Variants in NCOR1 observed in about 807,000 individuals in gnomAD.
The protein encoded by NCOR1 is nuclear receptor corepressor 1.
A neutral mutation model predicts 288.1 loss-of-function variants in NCOR1; 63 were observed. The observed-to-expected ratio is 0.22, with a 90% confidence interval of 0.18 to 0.27. NCOR1 has a LOEUF of 0.27. Ranked by LOEUF, NCOR1 falls within the 10% of genes least tolerant of loss-of-function variation. NCOR1 has a pLI of 1.00. For synonymous variants in NCOR1, 1,007 were observed against 1,065.9 expected (o/e 0.94, Z 1.08); for missense variants, 2,397 against 3,019.2 (o/e 0.79, Z 4.83).
intron 5 of NCOR1, among the ~76,000 whole-genome samples, chr17:16,162,291 CAA>C (rs774179507): frequency 2.0e-5 from 3 of 151,986 alleles, no homozygotes; most frequent in South Asian, 2.1e-4. Flanking sequence ...GAAAGAGAAA[CAA>C]GAGACACGGA....
At chr17:16,092,125 A>C (rs2065269299) in intron 21 of NCOR1, 67 bp from the exon 22 acceptor site, 1 of 1,520,416 alleles carries the variant, frequency 6.6e-7, no homozygotes, top group Admixed American at 1.7e-5. Context: ...CTTAACAAGT[A>C]ATGTAATGCT....
intron 18 of NCOR1, among the ~76,000 whole-genome samples, chr17:16,111,870 ATTTT>A (rs540334363): frequency 2.3e-5 from 3 of 129,884 alleles, no homozygotes; most frequent in African/African-American, 1.0e-4. Context: ...TTATTTATTT[ATTTT>A]TATTTTTATT....
At chr17:16,127,084 CAA>C (rs989573410) in intron 14 of NCOR1, among the ~76,000 whole-genome samples, 11 of 150,384 alleles carry the variant, frequency 7.3e-5, no homozygotes, top group South Asian at 4.2e-4. Flanking sequence ...ATATACAAAT[CAA>C]AGTTTATCAT....
intron 16 of NCOR1, among the ~76,000 whole-genome samples, chr17:16,119,931 T>C (rs2072630928): frequency 6.6e-6 from 1 of 152,120 alleles, no homozygotes; most frequent in Non-Finnish European, 1.5e-5. Context: ...GTGTCTGACA[T>C]CCAGTGGGTA....
chr17:16,055,630 G>GT (rs2059827568), intron 40 of NCOR1, among the ~76,000 whole-genome samples: 1 of 152,098 alleles, frequency 6.6e-6, no homozygotes, highest in South Asian at 2.1e-4. Flanking sequence ...CACGACTCAA[G>GT]TTTACCTATA....
At chr17:16,154,635 T>C (rs570705444) in intron 6 of NCOR1, among the ~76,000 whole-genome samples, 1 of 151,984 alleles carries the variant, frequency 6.6e-6, no homozygotes, top group South Asian at 2.1e-4. Context: ...AAGAAAAGAG[T>C]ATGGGGCAAG....
chr17:16,034,528 A>G (rs548279628), intron 45 of NCOR1, among the ~76,000 whole-genome samples: 1 of 152,184 alleles, frequency 6.6e-6, no homozygotes, highest in African/African-American at 2.4e-5. Flanking sequence ...GGATCACCTG[A>G]GCCTCAGAGG....
intron 4 of NCOR1, among the ~76,000 whole-genome samples, chr17:16,170,948 G>C (rs144495774): frequency 3.6e-4 from 55 of 151,908 alleles, no homozygotes; most frequent in African/African-American, 1.1e-3. Context: ...CATGGGGAAA[G>C]TTCTTAATAG....
At chr17:16,180,065 C>T (rs2085088229) in intron 3 of NCOR1, among the ~76,000 whole-genome samples, 1 of 151,860 alleles carries the variant, frequency 6.6e-6, no homozygotes, top group Non-Finnish European at 1.5e-5. Flanking sequence ...ATATCCCTGG[C>T]ATGCAAGGCT....
At chr17:16,086,535 CTAAT>C in intron 22 of NCOR1, 93 bp from the exon 23 acceptor site, 2 of 1,148,820 alleles carry the variant, frequency 1.7e-6, no homozygotes, top group Non-Finnish European at 2.4e-6. Flanking sequence ...TTTTAAATCA[CTAAT>C]TAAAAAATGT....
rs377590205 is a variant in NCOR1, at chr17:16,064,087, G to C, written c.5202C>G (p.Ser1734=). 6.2e-7 allele frequency: 1 copy of C among 1,613,934 alleles called. No homozygotes were observed. The highest frequency in any genetic ancestry group is 8.5e-7 in the Non-Finnish European group (1 of 1,180,008). The change falls in exon 35 of 46, where the codon TCC becomes TCG. Residue 1734 remains serine, a synonymous_variant. Coordinates refer to ENST00000268712, the MANE Select transcript of NCOR1 (RefSeq NM_006311.4). ...RERERIAAAS[S]DLYLRPGSEQ... ...ACTGACCTGGCCGCAGGTAGAGGTC[G>C]GAGGAAGCTGCAGCAATCCGTTCCC...
chr17:16,113,647 C>T (rs1293360579), intron 18 of NCOR1, among the ~76,000 whole-genome samples: 1 of 152,146 alleles, frequency 6.6e-6, no homozygotes. Context: ...AATCCCAGTA[C>T]TTTGGAAGGC....
At chr17:16,168,598 A>T (rs534889516) in intron 4 of NCOR1, among the ~76,000 whole-genome samples, 11 of 152,212 alleles carry the variant, frequency 7.2e-5, no homozygotes, top group Non-Finnish European at 1.6e-4. Context: ...CTTAAAAATC[A>T]ACCTGGTCTA....
chr17:16,054,294 C>G (rs2059667233), intron 40 of NCOR1, among the ~76,000 whole-genome samples: 1 of 151,438 alleles, frequency 6.6e-6, no homozygotes, highest in African/African-American at 2.4e-5. Context: ...AAAAATTTTG[C>G]AAACTATGCA....
At chr17:16,043,208 C>T (rs1382181993) in intron 42 of NCOR1, among the ~76,000 whole-genome samples, 1 of 151,998 alleles carries the variant, frequency 6.6e-6, no homozygotes, top group East Asian at 1.9e-4. Context: ...TTACAGTTTT[C>T]AAAAAAATAA....
At chr17:16,132,910 C>T (rs2075861846) in intron 14 of NCOR1, among the ~76,000 whole-genome samples, 1 of 150,860 alleles carries the variant, frequency 6.6e-6, no homozygotes, top group African/African-American at 2.4e-5. Context: ...CCTTCCCTCC[C>T]TCCCTTCCTT....
In NCOR1 at chr17:16,070,145, A is replaced by G. The variant is rs1348320848; in HGVS notation, c.4513+20T>C. The stretch of plus-strand genomic sequence containing the variant: ...TAAATGCAATAAAAAGTATCAGACC[A>G]AGCAACAAAAGTAACATACCATCAG... On this transcript the variant is annotated intron_variant, in intron 31 of 45. Transcript: ENST00000268712. 1 of 1,568,582 alleles carries G rather than the reference A, an allele frequency of 6.4e-7. No individual in the cohort carries two copies. Among genetic ancestry groups the G allele is most frequent in the Non-Finnish European group, 8.6e-7 (1 of 1,161,986 alleles).
chr17:16,080,795 C>A, intron 23 of NCOR1, 68 bp from the exon 24 acceptor site: 7 of 1,402,714 alleles, frequency 5.0e-6, no homozygotes, highest in African/African-American at 1.5e-5. Context: ...GTCAATTTCA[C>A]AAAGTCAGCA....
At chr17:16,080,834 ATT>A in intron 23 of NCOR1, 107 bp from the exon 24 acceptor site, 4 of 1,033,442 alleles carry the variant, frequency 3.9e-6, no homozygotes, top group Non-Finnish European at 5.5e-6. Context: ...AAAAAAAAAA[ATT>A]ATACCCCTTC....
Sources: allele counts gnomAD v4.1 joint callset (sites outside exome capture counted in the v4.1 genomes callset), GRCh38; gene constraint gnomAD v4.1.1; transcripts MANE v1.5; gene names NCBI Gene and HGNC (gene_info 2026-07-23, HGNC 2026-07-21).